The following IGF1R variants were observed in gnomAD, a reference collection of about 807,000 sequenced individuals.
The protein encoded by IGF1R is insulin-like growth factor 1 receptor.
In IGF1R, 44 loss-of-function variants were observed where a neutral mutation model predicts 144.6. That is an observed-to-expected ratio of 0.30 (90% confidence interval 0.24 to 0.39). The LOEUF is 0.39. IGF1R is among the 10% of genes least tolerant of loss of function. IGF1R has a pLI of 1.00. For missense variants in IGF1R, 1,355 were observed against 1,833.7 expected (o/e 0.74, Z 4.77); for synonymous variants, 795 against 722.8 (o/e 1.10, Z -1.60).
intron 2 of IGF1R, among the ~76,000 whole-genome samples, chr15:98,853,609 A>T (rs1362336433): frequency 6.6e-6 from 1 of 152,262 alleles, no homozygotes; most frequent in African/African-American, 2.4e-5. Context: ...CCTTTTCAGC[A>T]TAAAAAAGAT....
intron 2 of IGF1R, chr15:98,824,316 A>T (rs562423840): frequency 6.6e-6 from 1 of 152,338 alleles, no homozygotes; most frequent in South Asian, 2.1e-4. Flanking sequence ...CTCTTCTGAA[A>T]TGCCCTTTAT....
intron 2 of IGF1R, among the ~76,000 whole-genome samples, chr15:98,720,138 C>A (rs1342964695): frequency 2.0e-5 from 3 of 152,156 alleles, no homozygotes; most frequent in African/African-American, 7.2e-5. Context: ...TCGCAAAATC[C>A]CTCCAGTGTA....
At chr15:98,840,968 A>G (rs1028279074) in intron 2 of IGF1R, among the ~76,000 whole-genome samples, 2 of 152,150 alleles carry the variant, frequency 1.3e-5, no homozygotes, top group Non-Finnish European at 2.9e-5. Context: ...GGCGTGAGAC[A>G]CTGCGCCTGG....
intron 2 of IGF1R, among the ~76,000 whole-genome samples, chr15:98,859,998 C>T (rs1416325272): frequency 6.6e-6 from 1 of 152,266 alleles, no homozygotes; most frequent in Admixed American, 6.5e-5. Flanking sequence ...TCACTGCAAC[C>T]TTCACCTCCC....
chr15:98,917,707 T>G (rs2015313890), intron 10 of IGF1R, among the ~76,000 whole-genome samples: 1 of 152,194 alleles, frequency 6.6e-6, no homozygotes, highest in South Asian at 2.1e-4. Flanking sequence ...GAAGACACCA[T>G]GCCAAGTGAA....
At position 98,963,135 on chromosome 15, in the gene IGF1R, T is replaced by G. The variant is rs886051605; in HGVS notation, c.*5693T>G. 1.3e-5 allele frequency: 3 copies of G among 233,514 alleles called. No individual in the cohort carries two copies. Among genetic ancestry groups the G allele is most frequent in the East Asian group, 1.2e-4 (2 of 16,588 alleles). The allele number at this position is 233,514 out of a possible 1,614,324, so 14.5% of individuals were successfully genotyped here. A position where few individuals can be genotyped will look rare whatever the true frequency, so the allele number is the denominator to read the frequency against. ...AAGAACAGAATAATTTTATAAAATG[T>G]TTGTAGTTTATAATTGCCGAAAATA... On this transcript the variant is annotated 3_prime_UTR_variant, in exon 21 of 21. Coordinates refer to ENST00000650285, the MANE Select transcript of IGF1R (RefSeq NM_000875.5).
intron 2 of IGF1R, among the ~76,000 whole-genome samples, chr15:98,738,000 T>G (rs982151189): frequency 8.5e-5 from 13 of 152,218 alleles, no homozygotes; most frequent in African/African-American, 2.6e-4. Flanking sequence ...TGCTCTGAGG[T>G]GGATGGTGGC....
At chr15:98,924,973 C>T (rs1011129790) in intron 13 of IGF1R, among the ~76,000 whole-genome samples, 1 of 151,132 alleles carries the variant, frequency 6.6e-6, no homozygotes, top group Non-Finnish European at 1.5e-5. Context: ...CAGTTGCTTT[C>T]AACCTGGCTT....
At chr15:98,685,813 G>A (rs551466325) in intron 1 of IGF1R, among the ~76,000 whole-genome samples, 10 of 152,330 alleles carry the variant, frequency 6.6e-5, no homozygotes, top group Admixed American at 4.6e-4. Flanking sequence ...CCTTGGAGCC[G>A]CAGCCTCCTT....
intron 2 of IGF1R, among the ~76,000 whole-genome samples, chr15:98,889,049 A>G (rs908298260): frequency 2.0e-5 from 3 of 152,206 alleles, no homozygotes; most frequent in Non-Finnish European, 4.4e-5. Flanking sequence ...ACGTTTGTTT[A>G]TATCTCACTG....
chr15:98,937,411 G>A (rs966831937), intron 17 of IGF1R, among the ~76,000 whole-genome samples: 1 of 152,200 alleles, frequency 6.6e-6, no homozygotes, highest in Admixed American at 6.5e-5. Flanking sequence ...GACAGCCGCT[G>A]CAGGTTCCTG....
chr15:98,724,916 T>C (rs1050348630), intron 2 of IGF1R, among the ~76,000 whole-genome samples: 1 of 152,214 alleles, frequency 6.6e-6, no homozygotes, highest in Admixed American at 6.5e-5. Context: ...CTGTACTCCA[T>C]GGGCATTTTC....
intron 2 of IGF1R, among the ~76,000 whole-genome samples, chr15:98,751,462 A>C (rs1040887334): frequency 3.3e-5 from 5 of 152,052 alleles, no homozygotes; most frequent in African/African-American, 1.2e-4. Flanking sequence ...CTCTCCCCTC[A>C]ACTCTCAAAA....
rs1307474814 is a variant in IGF1R at position 98,869,252 on chromosome 15, T to C, written c.641-22073T>C. 2.0e-5 allele frequency among the ~76,000 whole-genome samples: 3 copies of C among 152,088 alleles called. No individual in the cohort carries two copies. In the South Asian group the frequency reaches 6.2e-4, roughly 31 times the overall value. ...GACTTACTTGCTTTCCATTTATATG[T>C]TGTCTAATTCCAAAGAGATTTCGAG... On this transcript the variant is annotated intron_variant, in intron 2 of 20. Transcript: ENST00000650285.
chr15:98,962,938 C>G lies in IGF1R; in HGVS notation c.*5496C>G, dbSNP rs1214468139. 3 of 233,586 alleles carry G rather than the reference C, an allele frequency of 1.3e-5. No individual in the cohort carries two copies. In the East Asian group the frequency reaches 1.8e-4, roughly 14 times the overall value. The allele number at this position is 233,586 out of a possible 1,614,324, so 14.5% of individuals were successfully genotyped here. On this transcript the variant is annotated 3_prime_UTR_variant, in exon 21 of 21. Coordinates refer to ENST00000650285, the MANE Select transcript of IGF1R (RefSeq NM_000875.5). The stretch of plus-strand genomic sequence containing the variant: ...TTTGTTTCTGCGAGAACATAACGAT[C>G]ACTCATTTTTATGTCCCACGTGTGT...
At chr15:98,930,348 T>C (rs1265341523) in intron 15 of IGF1R, 43 bp downstream of exon 15, 1 of 1,439,330 alleles carries the variant, frequency 6.9e-7, no homozygotes, top group South Asian at 1.2e-5. Context: ...GCAGGGCAGG[T>C]AGATCGGGAG....
chr15:98,684,802 A>G (rs1215383682), intron 1 of IGF1R, among the ~76,000 whole-genome samples: 1 of 152,034 alleles, frequency 6.6e-6, no homozygotes, highest in South Asian at 2.1e-4. Flanking sequence ...ATCCAGCGCT[A>G]ATATTTAGTG....
chr15:98,868,377 G>C (rs1452336571), intron 2 of IGF1R, among the ~76,000 whole-genome samples: 1 of 137,774 alleles, frequency 7.3e-6, no homozygotes. Flanking sequence ...TTTTGGGGGG[G>C]GGGTCCTTTA....
intron 2 of IGF1R, among the ~76,000 whole-genome samples, chr15:98,821,278 A>G (rs1596331146): frequency 6.9e-6 from 1 of 145,678 alleles, no homozygotes; most frequent in African/African-American, 2.7e-5. Context: ...TATTTTAAAC[A>G]CGCCTCCCCC....
Sources: allele counts gnomAD v4.1 joint callset (sites outside exome capture counted in the v4.1 genomes callset), GRCh38; gene constraint gnomAD v4.1.1; transcripts MANE v1.5; gene names NCBI Gene and HGNC (gene_info 2026-07-23, HGNC 2026-07-21).